The following KIFAP3 variants were observed in gnomAD, a reference collection of about 807,000 sequenced individuals.
The protein encoded by KIFAP3 is kinesin-associated protein 3.
KIFAP3 carries 68 observed loss-of-function variants against 106.5 expected under a neutral mutation model. That is an observed-to-expected ratio of 0.64 (90% CI 0.53 to 0.78). KIFAP3 has a LOEUF of 0.78. KIFAP3 is among the 30% of genes least tolerant of loss of function. The probability of loss-of-function intolerance (pLI) is 0.00; values close to 1 mark genes in which losing one functional copy is unlikely to be tolerated. For missense variants in KIFAP3, 780 were observed against 941.8 expected (o/e 0.83, Z 2.25); for synonymous variants, 320 against 311.5 (o/e 1.03, Z -0.29).
intron 3 of KIFAP3, chr1:170,041,979 T>C (rs1015002761): frequency 3.0e-6 from 2 of 667,588 alleles, no homozygotes; most frequent in Admixed American, 3.3e-5. Flanking sequence ...CAGGGTCTCA[T>C]GTCTGTTCTT....
chr1:169,949,045 G>C (rs1023653154), intron 19 of KIFAP3, among the ~76,000 whole-genome samples: 6 of 151,492 alleles, frequency 4.0e-5, no homozygotes, highest in African/African-American at 1.5e-4. Context: ...TTAAAAATTT[G>C]GGTAAAAGAT....
chr1:170,011,528 T>C (rs1237607497), intron 10 of KIFAP3, among the ~76,000 whole-genome samples: 1 of 151,908 alleles, frequency 6.6e-6, no homozygotes, highest in African/African-American at 2.4e-5. Flanking sequence ...TAGACATATA[T>C]TGACATGTGA....
intron 1 of KIFAP3, among the ~76,000 whole-genome samples, chr1:170,055,875 T>C (rs1342289751): frequency 6.6e-6 from 1 of 152,148 alleles, no homozygotes; most frequent in Non-Finnish European, 1.5e-5. Context: ...CTCACACCTG[T>C]AATCCCAGTG....
intron 16 of KIFAP3, among the ~76,000 whole-genome samples, chr1:169,977,386 G>C (rs904243333): frequency 1.3e-5 from 2 of 152,066 alleles, no homozygotes; most frequent in Non-Finnish European, 2.9e-5. Flanking sequence ...TCTGTGTATT[G>C]GGAACTATTA....
chr1:170,060,542 C>T (rs568901348), intron 1 of KIFAP3, among the ~76,000 whole-genome samples: 11 of 152,276 alleles, frequency 7.2e-5, no homozygotes, highest in African/African-American at 2.6e-4. Context: ...ACATTCCATG[C>T]TCATGGATAG....
intron 10 of KIFAP3, 77 bp from the exon 11 acceptor site, chr1:169,992,332 A>G: frequency 1.8e-6 from 1 of 567,130 alleles, no homozygotes; most frequent in Non-Finnish European, 2.8e-6. Flanking sequence ...ATGTACTACA[A>G]CTTAAACTAC....
chr1:170,047,472 T>A (rs1670316745), intron 2 of KIFAP3, among the ~76,000 whole-genome samples: 1 of 151,458 alleles, frequency 6.6e-6, no homozygotes, highest in Non-Finnish European at 1.5e-5. Flanking sequence ...ATACAAAAAA[T>A]TTGCCAGGTG....
intron 18 of KIFAP3, among the ~76,000 whole-genome samples, chr1:169,957,285 T>C (rs1665067903): frequency 6.6e-6 from 1 of 152,168 alleles, no homozygotes; most frequent in African/African-American, 2.4e-5. Context: ...ACACAGATGA[T>C]ATACACCATA....
At chr1:170,038,512 T>C (rs1669804130) in intron 4 of KIFAP3, 81 bp from the exon 5 acceptor site, 2 of 1,369,296 alleles carry the variant, frequency 1.5e-6, no homozygotes, top group East Asian at 2.5e-5. Context: ...GTGATCAATA[T>C]ACTGGCCTTT....
intron 3 of KIFAP3, among the ~76,000 whole-genome samples, chr1:170,042,739 T>G (rs1255395372): frequency 6.6e-6 from 1 of 152,216 alleles, no homozygotes; most frequent in East Asian, 1.9e-4. Flanking sequence ...TACTTCATTT[T>G]GTTCTTCTTC....
intron 15 of KIFAP3, 34 bp downstream of exon 15, chr1:169,981,938 G>C (rs1352372551): frequency 6.6e-7 from 1 of 1,524,854 alleles, no homozygotes; most frequent in South Asian, 1.2e-5. Context: ...AAGCTGTTTA[G>C]ACATTAACAT....
chr1:169,934,627 T>A (rs1301239826), intron 19 of KIFAP3, among the ~76,000 whole-genome samples: 1 of 152,162 alleles, frequency 6.6e-6, no homozygotes, highest in Non-Finnish European at 1.5e-5. Context: ...CTGCGATGTG[T>A]GTTGTCTTTG....
intron 3 of KIFAP3, among the ~76,000 whole-genome samples, chr1:170,039,801 T>C (rs896869152): frequency 5.3e-5 from 8 of 152,072 alleles, no homozygotes; most frequent in African/African-American, 1.4e-4. Flanking sequence ...AGATAATAAA[T>C]TAAAAGGCAA....
intron 15 of KIFAP3, among the ~76,000 whole-genome samples, chr1:169,979,171 G>C (rs954719894): frequency 1.3e-5 from 2 of 151,840 alleles, no homozygotes; most frequent in African/African-American, 4.8e-5. Flanking sequence ...AATCACTATG[G>C]GACAGCAATT....
At position 170,034,793 on chromosome 1, in the gene KIFAP3, C is replaced by T. The variant is rs1669593967; in HGVS notation, c.618-297G>A. ...TCAGAATAGATTTTTAGATTATTGT[C>T]TAACAAAACTAATAATGTAGCAATA... is the stretch of plus-strand genomic sequence containing the variant. On this transcript the variant is annotated intron_variant, in intron 6 of 19. Transcript: ENST00000361580. Among the ~76,000 whole-genome samples, 4 of 151,782 alleles carry T rather than the reference C, an allele frequency of 2.6e-5. No individual in the cohort carries two copies. In the South Asian group the frequency reaches 8.3e-4, roughly 31 times the overall value.
At chr1:170,065,937 A>T (rs1379378460) in intron 1 of KIFAP3, among the ~76,000 whole-genome samples, 1 of 152,132 alleles carries the variant, frequency 6.6e-6, no homozygotes, top group East Asian at 1.9e-4. Context: ...TTAGATTCAG[A>T]TCTATCACTT....
intron 10 of KIFAP3, among the ~76,000 whole-genome samples, chr1:170,015,672 G>C (rs1668470480): frequency 6.6e-6 from 1 of 152,146 alleles, no homozygotes; most frequent in African/African-American, 2.4e-5. Flanking sequence ...AGGCATAAAA[G>C]AGCTTATTTA....
chr1:169,993,203 G>A (rs1185305056), intron 10 of KIFAP3, among the ~76,000 whole-genome samples: 1 of 151,232 alleles, frequency 6.6e-6, no homozygotes, highest in African/African-American at 2.4e-5. Flanking sequence ...CACCTCCCAG[G>A]TTCAAGGGAT....
chr1:169,992,294 A>G, intron 10 of KIFAP3, 39 bp from the exon 11 acceptor site: 1 of 1,031,410 alleles, frequency 9.7e-7, no homozygotes. Context: ...CTATAAATAT[A>G]TATTTTTTAT....
Sources: allele counts gnomAD v4.1 joint callset (sites outside exome capture counted in the v4.1 genomes callset), GRCh38; gene constraint gnomAD v4.1.1; transcripts MANE v1.5; gene names NCBI Gene and HGNC (gene_info 2026-07-23, HGNC 2026-07-21).